JHY: variants seen among roughly 807,000 people sequenced by gnomAD.
The protein encoded by JHY is junctional cadherin complex regulator.
In JHY, 69 loss-of-function variants were observed where a neutral mutation model predicts 78.0. The observed-to-expected ratio is 0.88, with a 90% CI of 0.73 to 1.08. The LOEUF (loss-of-function observed/expected upper bound fraction) is 1.08. Among genes scored for constraint, JHY ranks in the 50% least tolerant of loss-of-function variants. The pLI is 0.00. For synonymous variants in JHY, 368 were observed against 342.6 expected (o/e 1.07, Z -0.82); for missense variants, 944 against 927.8 (o/e 1.02, Z -0.23).
intron 1 of JHY, 30 bp from the exon 2 acceptor site, chr11:122,885,731 G>A: frequency 1.1e-5 from 8 of 718,782 alleles, no homozygotes; most frequent in Non-Finnish European, 1.8e-5. Context: ...TTTAGTGGTC[G>A]CAGAGTAACA....
intron 3 of JHY, among the ~76,000 whole-genome samples, chr11:122,913,006 C>CT (rs1264110377): frequency 6.6e-6 from 1 of 152,158 alleles, no homozygotes; most frequent in East Asian, 1.9e-4. Flanking sequence ...CCAGCTCTCT[C>CT]TTTTTTTAAG....
At chr11:122,955,223 C>T (rs904618852) in intron 6 of JHY, among the ~76,000 whole-genome samples, 10 of 152,126 alleles carry the variant, frequency 6.6e-5, no homozygotes, top group South Asian at 2.1e-4. Context: ...CGGGTTCAAG[C>T]GATTCTCCTG....
At chr11:122,932,692 C>G (rs905260872) in intron 4 of JHY, among the ~76,000 whole-genome samples, 1 of 152,166 alleles carries the variant, frequency 6.6e-6, no homozygotes, top group Non-Finnish European at 1.5e-5. Flanking sequence ...ATAAAAAGAG[C>G]TGCTATATTC....
In JHY at chr11:122,959,335, G is replaced by C. The variant is rs775763077; in HGVS notation, c.2227G>C (p.Ala743Pro). The C allele has an allele frequency of 1.2e-6, 2 of 1,614,098 alleles. No individual in the cohort carries two copies. Among genetic ancestry groups the C allele is most frequent in the Non-Finnish European group, 1.7e-6 (2 of 1,180,014 alleles). Residue 743 changes from alanine to proline, a missense_variant, in exon 9 of 9, where the codon GCT becomes CCT. Transcript: ENST00000227349. ...ASKEQKNPTYAGKEESLPEIS... is the reference protein window; with the variant it reads ...ASKEQKNPTYPGKEESLPEIS... Reference sequence around the variant, plus strand: ...AAAGGAACAAAAAAATCCAACCTATGCTGGGAAAGAAGAAAGTTTACCTGA... The same window carrying C: ...AAAGGAACAAAAAAATCCAACCTATCCTGGGAAAGAAGAAAGTTTACCTGA...
intron 2 of JHY, among the ~76,000 whole-genome samples, chr11:122,900,516 T>C (rs1862829966): frequency 6.8e-6 from 1 of 147,804 alleles, no homozygotes; most frequent in African/African-American, 2.5e-5. Flanking sequence ...ACCAGCTTTT[T>C]TTTTTTTTTT....
chr11:122,937,242 C>CT lies in JHY; in HGVS notation c.1634+2182dup, dbSNP rs11353255. 1.9e-3 allele frequency among the ~76,000 whole-genome samples: 256 copies of CT among 137,680 alleles called. 1 individual carries two copies. Among genetic ancestry groups the CT allele is most frequent in the African/African-American group, 6.0e-3 (223 of 37,310 alleles). The allele number at this position is 137,680 out of a possible 152,430, so 90.3% of individuals were successfully genotyped here. A position where few individuals can be genotyped will look rare whatever the true frequency, so the allele number is the denominator to read the frequency against. ...TATAATCATGTCCCTCTTTTCATTTCTTTTTTTTTTTTTTTAATTTTTTTG... is the reference window on the plus strand; with the variant it reads ...TATAATCATGTCCCTCTTTTCATTTCTTTTTTTTTTTTTTTTAATTTTTTTG... On this transcript the variant is annotated intron_variant, in intron 5 of 8. Transcript: ENST00000227349.
At chr11:122,914,317 G>T (rs531055595) in intron 3 of JHY, among the ~76,000 whole-genome samples, 1 of 152,100 alleles carries the variant, frequency 6.6e-6, no homozygotes, top group Non-Finnish European at 1.5e-5. Flanking sequence ...TTGTCTATAA[G>T]ATTAAGCTTT....
At chr11:122,940,413 G>GA (rs1452265907) in intron 5 of JHY, among the ~76,000 whole-genome samples, 2 of 152,084 alleles carry the variant, frequency 1.3e-5, no homozygotes, top group Non-Finnish European at 2.9e-5. Flanking sequence ...TGCCTTTTTA[G>GA]AAAAAATTTA....
chr11:122,956,758 T>C (rs1425054838), intron 7 of JHY, among the ~76,000 whole-genome samples, 182 bp downstream of exon 7: 1 of 152,190 alleles, frequency 6.6e-6, no homozygotes, highest in Non-Finnish European at 1.5e-5. Context: ...AAAATAAAAA[T>C]ATTTAGCCCG....
At chr11:122,953,532 G>A (rs1417594948) in intron 6 of JHY, among the ~76,000 whole-genome samples, 1 of 151,382 alleles carries the variant, frequency 6.6e-6, no homozygotes, top group East Asian at 1.9e-4. Context: ...AAACTGGGAG[G>A]TGGAGGTTGC....
In JHY at chr11:122,922,592, C is replaced by T. The variant is rs189113357; in HGVS notation, c.865-2305C>T. On this transcript the variant is annotated intron_variant, in intron 3 of 8. Coordinates refer to ENST00000227349, the MANE Select transcript of JHY (RefSeq NM_024806.4). ...TTTGGAGGCCGAGGTGGGCGGATCA[C>T]GAGGTCAGGAGATAGAGACCATCCT... 1.4e-3 allele frequency among the ~76,000 whole-genome samples: 215 copies of T among 152,018 alleles called. 1 individual carries two copies. The highest frequency in any genetic ancestry group is 4.8e-3 in the African/African-American group (198 of 41,492).
intron 5 of JHY, among the ~76,000 whole-genome samples, chr11:122,940,571 A>G (rs76589142): frequency 0.031 from 4,724 of 152,238 alleles, 229 homozygotes; most frequent in African/African-American, 0.11. Context: ...CCTTTTGATT[A>G]AGGTAGCGAC....
At chr11:122,936,400 T>G (rs1191569025) in intron 5 of JHY, among the ~76,000 whole-genome samples, 2 of 152,004 alleles carry the variant, frequency 1.3e-5, no homozygotes, top group Non-Finnish European at 2.9e-5. Context: ...CTAGAAGAGA[T>G]AATGATAAAT....
chr11:122,943,208 C>A (rs1048855593), intron 5 of JHY, among the ~76,000 whole-genome samples: 1 of 152,150 alleles, frequency 6.6e-6, no homozygotes, highest in Non-Finnish European at 1.5e-5. Flanking sequence ...ATTATGATTG[C>A]CTCTTGGATG....
intron 5 of JHY, among the ~76,000 whole-genome samples, chr11:122,942,584 C>T (rs182541165): frequency 2.6e-5 from 4 of 152,170 alleles, no homozygotes; most frequent in African/African-American, 7.2e-5. Flanking sequence ...CCACCATGCC[C>T]AGCTAATTTT....
chr11:122,948,639 A>C (rs1362650020), intron 6 of JHY, among the ~76,000 whole-genome samples: 1 of 151,758 alleles, frequency 6.6e-6, no homozygotes, highest in East Asian at 1.9e-4. Context: ...AATGATATTA[A>C]TTAATAATAA....
intron 3 of JHY, chr11:122,905,105 T>A: frequency 8.9e-7 from 1 of 1,120,782 alleles, no homozygotes; most frequent in Non-Finnish European, 1.4e-6. Context: ...TGATATGATA[T>A]GATTAAACAT....
Position 122,962,876 on chromosome 11 carries a change from C to G in JHY, c.*3431C>G, listed in dbSNP as rs1435089786. Reference sequence around the variant, plus strand: ...AATGGGAGGGGAGCCAGGTCTGAATCTCCCATCTTTGAACACCAGGAATAG... The same window carrying G: ...AATGGGAGGGGAGCCAGGTCTGAATGTCCCATCTTTGAACACCAGGAATAG... On this transcript the variant is annotated 3_prime_UTR_variant, in exon 9 of 9. Coordinates refer to ENST00000227349, the MANE Select transcript of JHY (RefSeq NM_024806.4). Among the ~76,000 whole-genome samples, 1 of 152,128 alleles carries G rather than the reference C, an allele frequency of 6.6e-6. No individual in the cohort carries two copies. The highest frequency in any genetic ancestry group is 1.5e-5 in the Non-Finnish European group (1 of 68,008).
intron 5 of JHY, among the ~76,000 whole-genome samples, chr11:122,943,634 G>A (rs1201085562): frequency 6.6e-6 from 1 of 152,056 alleles, no homozygotes; most frequent in Non-Finnish European, 1.5e-5. Context: ...TGTTATTAGG[G>A]ACATGCAGAT....
Sources: gnomAD v4.1 joint callset for allele counts (sites outside exome capture counted in the v4.1 genomes callset) on GRCh38, gnomAD v4.1.1 for gene constraint, MANE v1.5 for transcripts, NCBI Gene and HGNC (gene_info 2026-07-23, HGNC 2026-07-21) for gene names.